The following GOLGA4 variants were observed in gnomAD, a reference collection of about 807,000 sequenced individuals.
GOLGA4 encodes golgin subfamily A member 4.
In GOLGA4, 169 loss-of-function variants were observed where a neutral mutation model predicts 265.9. That is an observed-to-expected ratio of 0.64 (90% CI 0.56 to 0.72). The LOEUF (loss-of-function observed/expected upper bound fraction) is 0.72. GOLGA4 is among the 30% of genes least tolerant of loss of function. GOLGA4 has a pLI of 0.00. For missense variants in GOLGA4, 2,482 were observed against 2,483.4 expected, an observed-to-expected ratio of 1.00 and a Z score of 0.01; for synonymous variants, 923 against 855.8, an observed-to-expected ratio of 1.08 and a Z score of -1.37.
intron 9 of GOLGA4, among the ~76,000 whole-genome samples, chr3:37,300,149 A>G (rs183299630): frequency 2.2e-3 from 330 of 151,876 alleles, no homozygotes; most frequent in African/African-American, 7.7e-3. Context: ...AGATTAGAGG[A>G]TTGAGGAAGG....
At position 37,324,749 on chromosome 3, in the gene GOLGA4, A is replaced by G. The variant is rs1293538815; in HGVS notation, c.2863A>G (p.Lys955Glu). The part of the protein sequence containing the change: ...YETKFKNQEK[K>E]MEKVKQKAKE... ...AACCAAATTTAAAAACCAAGAAAAAAAGATGGAAAAAGTTAAGCAGAAAGC... is the reference window on the plus strand; with the variant it reads ...AACCAAATTTAAAAACCAAGAAAAAGAGATGGAAAAAGTTAAGCAGAAAGC... Residue 955 changes from lysine (K) to glutamate (E), a missense_variant, in exon 14 of 24, where the codon AAG (lysine) becomes GAG (glutamate). Physicochemically the swap from Lys to Glu is moderately conservative, Grantham distance 56. Around this residue, in one of 3 missense-constraint regions of GOLGA4, gnomAD observed 1,536 missense variants for 1,483.7 expected, o/e 1.04. Transcript: ENST00000361924. 1 of 1,585,688 alleles carries G rather than the reference A, an allele frequency of 6.3e-7. No homozygotes were observed. The highest frequency in any genetic ancestry group is 1.4e-5 in the African/African-American group (1 of 73,014).
At chr3:37,328,327 A>G (rs1447207673) in intron 14 of GOLGA4, 89 bp from the exon 15 acceptor site, 1 of 1,259,198 alleles carries the variant, frequency 7.9e-7, no homozygotes, top group Non-Finnish European at 1.1e-6. Context: ...CAATGAACTC[A>G]TACTGTATGC....
intron 18 of GOLGA4, 88 bp from the exon 19 acceptor site, chr3:37,337,578 C>CG: frequency 1.2e-6 from 1 of 832,702 alleles, no homozygotes; most frequent in Non-Finnish European, 2.1e-6. Context: ...CTTAAAAAGA[C>CG]TAACAAAAAT....
chr3:37,360,873 T>C (rs566541252), intron 22 of GOLGA4, among the ~76,000 whole-genome samples: 77 of 152,308 alleles, frequency 5.1e-4, no homozygotes, highest in African/African-American at 1.5e-3. Flanking sequence ...TGAGATTATG[T>C]AAATCAAATT....
chr3:37,352,078 A>G (rs1007102212), intron 21 of GOLGA4, among the ~76,000 whole-genome samples: 4 of 152,088 alleles, frequency 2.6e-5, no homozygotes, highest in Non-Finnish European at 5.9e-5. Context: ...AAACATCTTC[A>G]TCAGTTTTCT....
In GOLGA4 at chr3:37,243,588, A is replaced by G. The variant is rs753259777; in HGVS notation, c.38A>G (p.Gln13Arg). The G allele has an allele frequency of 6.2e-7, 1 of 1,613,966 alleles. No individual in the cohort carries two copies. The highest frequency in any genetic ancestry group is 8.5e-7 in the Non-Finnish European group (1 of 1,179,940). Residue 13 changes from glutamine (Q) to arginine (R), a missense_variant, in exon 1 of 24, where the codon CAG (glutamine) becomes CGG (arginine). This residue lies in a region of GOLGA4 where 1,536 missense variants were observed against 1,483.7 expected (regional missense o/e 1.04). Transcript: ENST00000361924. ...CTGAAGCAAAAGATCAGCGAGGAGC[A>G]GCAGCAGCTCCAGCAGGCGCTGGCT... ...KKLKQKISEEQQQLQQALAPA... is the reference protein window; with the variant it reads ...KKLKQKISEERQQLQQALAPA...
chr3:37,322,517 A>G (rs2096957920), intron 13 of GOLGA4, among the ~76,000 whole-genome samples: 2 of 152,190 alleles, frequency 1.3e-5, no homozygotes, highest in South Asian at 4.1e-4. Flanking sequence ...TAAAACAGTC[A>G]TACTTCTTAC....
At chr3:37,364,122 CT>C (rs1456202531) in intron 23 of GOLGA4, among the ~76,000 whole-genome samples, 1 of 152,174 alleles carries the variant, frequency 6.6e-6, no homozygotes, top group African/African-American at 2.4e-5. Flanking sequence ...AAAACTCCCC[CT>C]ATCCACTTAA....
chr3:37,257,919 G>A (rs1228297876), intron 2 of GOLGA4, among the ~76,000 whole-genome samples: 10 of 114,068 alleles, frequency 8.8e-5, no homozygotes, highest in African/African-American at 2.2e-4. Context: ...ATATATGTAT[G>A]TATATATGTA....
At position 37,325,313 on chromosome 3, in the gene GOLGA4, T is replaced by C; in HGVS notation, c.3427T>C (p.Leu1143=). The change falls in exon 14 of 24, where the codon TTG becomes CTG. Residue 1143 remains leucine (L), a synonymous_variant. Transcript: ENST00000361924. The stretch of plus-strand genomic sequence containing the variant: ...TCATCTTGAAAAGCTAGAGGTTGAC[T>C]TGAATAAGTCTCTGAAGGAAAATAC... The part of the protein sequence containing the change: ...KAHLEKLEVD[L]NKSLKENTFL... 6.2e-7 allele frequency: 1 copy of C among 1,613,792 alleles called. No homozygotes were observed. The highest frequency in any genetic ancestry group is 8.5e-7 in the Non-Finnish European group (1 of 1,179,782).
Position 37,323,842 on chromosome 3 carries a change from A to G in GOLGA4, c.1956A>G (p.Glu652=). The change falls in exon 14 of 24, where the codon GAA becomes GAG. Residue 652 remains glutamate (E), a synonymous_variant. Transcript: ENST00000361924. ...MEKLREKCEQ[E]KETLLKDKEI... ...AACTTAGGGAAAAGTGTGAACAAGA[A>G]AAAGAAACATTGTTGAAAGACAAAG... The G allele has an allele frequency of 6.2e-7, 1 of 1,610,390 alleles. No individual in the cohort carries two copies. Among genetic ancestry groups the G allele is most frequent in the Non-Finnish European group, 8.5e-7 (1 of 1,179,248 alleles).
At position 37,282,032 on chromosome 3, in the gene GOLGA4, G is replaced by A. The variant is rs766250049; in HGVS notation, c.237G>A (p.Pro79=). ...VPSVESLFRS[P]IKESLFRSSS... ...CCGTGGAGTCTTTGTTTCGAAGTCC[G>A]ATAAAGGAATCTCTATTCCGGTCTT... Residue 79 remains proline (P), a synonymous_variant, in exon 3 of 24, where the codon CCG becomes CCA. Transcript: ENST00000361924. 87 of 1,613,902 alleles carry A rather than the reference G, an allele frequency of 5.4e-5. No homozygotes were observed. The highest frequency in any genetic ancestry group is 6.9e-5 in the Non-Finnish European group (81 of 1,179,914).
At chr3:37,245,313 G>A (rs2096716086) in intron 1 of GOLGA4, 1 of 152,584 alleles carries the variant, frequency 6.6e-6, no homozygotes, top group South Asian at 2.1e-4. Flanking sequence ...ATGAAGGAGT[G>A]AGGCTCGAAG....
intron 19 of GOLGA4, among the ~76,000 whole-genome samples, chr3:37,338,074 T>C (rs932377067): frequency 1.3e-5 from 2 of 152,242 alleles, no homozygotes; most frequent in African/African-American, 4.8e-5. Context: ...CCAAGTGGTT[T>C]AATTGTCCTA....
chr3:37,335,005 GCTT>G, intron 16 of GOLGA4, 45 bp from the exon 17 acceptor site: 1 of 1,144,788 alleles, frequency 8.7e-7, no homozygotes, highest in Non-Finnish European at 1.2e-6. Context: ...GTTTACTAAT[GCTT>G]CTTTTTTTTC....
At chr3:37,363,300 G>A (rs78546127) in intron 23 of GOLGA4, among the ~76,000 whole-genome samples, 5,871 of 152,262 alleles carry the variant, frequency 0.039, 148 homozygotes, top group African/African-American at 0.056. Flanking sequence ...AACCCATTAA[G>A]TCTTAATGTT....
intron 23 of GOLGA4, among the ~76,000 whole-genome samples, chr3:37,364,201 A>G (rs1434032317): frequency 6.6e-6 from 1 of 152,060 alleles, no homozygotes; most frequent in East Asian, 1.9e-4. Flanking sequence ...TTAAACTCAT[A>G]TCTTGATGTG....
At chr3:37,273,531 C>G (rs1436071552) in intron 2 of GOLGA4, 1 of 1,472,138 alleles carries the variant, frequency 6.8e-7, no homozygotes. Context: ...CTTTCTTTTT[C>G]TTAGAATGCA....
intron 23 of GOLGA4, among the ~76,000 whole-genome samples, chr3:37,362,240 A>ATTAT (rs1696352191): frequency 7.4e-5 from 7 of 93,994 alleles, no homozygotes; most frequent in South Asian, 3.5e-4. Context: ...TTTATTTATT[A>ATTAT]TTTTTTTTTT....
Sources: gnomAD v4.1 joint callset for allele counts (sites outside exome capture counted in the v4.1 genomes callset) on GRCh38, gnomAD v4.1.1 for gene constraint, gnomAD v4.1.1 regional missense constraint, MANE v1.5 for transcripts, NCBI Gene and HGNC (gene_info 2026-07-23, HGNC 2026-07-21) for gene names.